Variants in AGBL4 observed in about 807,000 individuals in gnomAD.
AGBL4 encodes the protein cytosolic carboxypeptidase 6.
A neutral mutation model predicts 66.4 loss-of-function variants in AGBL4; 58 were observed. The ratio of observed to expected loss-of-function variants is 0.87; its 90% confidence interval spans 0.71 to 1.09. AGBL4 has a LOEUF of 1.09. Among genes scored for constraint, AGBL4 ranks in the 50% least tolerant of loss-of-function variants. The pLI is 0.00. For synonymous variants in AGBL4, 234 were observed against 222.9 expected (o/e 1.05, Z -0.44); for missense variants, 579 against 631.0 (o/e 0.92, Z 0.88).
At chr1:48,703,563 A>G (rs760319816) in intron 6 of AGBL4, among the ~76,000 whole-genome samples, 57 of 152,212 alleles carry the variant, frequency 3.7e-4, no homozygotes, top group Non-Finnish European at 7.5e-4. Context: ...TTCAGATACA[A>G]AGCAAGTATC....
At chr1:49,711,212 C>T (rs548580277) in intron 2 of AGBL4, among the ~76,000 whole-genome samples, 1 of 152,084 alleles carries the variant, frequency 6.6e-6, no homozygotes, top group Middle Eastern at 3.4e-3. Context: ...TAAATGTACA[C>T]CAATTATATG....
intron 5 of AGBL4, among the ~76,000 whole-genome samples, chr1:48,964,915 AT>A (rs1658296234): frequency 6.6e-6 from 1 of 152,106 alleles, no homozygotes; most frequent in Non-Finnish European, 1.5e-5. Context: ...ATGAAAAAAA[AT>A]CAAACAGTTT....
rs35699154 is a variant in AGBL4 at position 49,352,366 on chromosome 1, C to CTTTTT, written c.283-106507_283-106503dup. Among the ~76,000 whole-genome samples the CTTTTT allele has an allele frequency of 1.4e-3, 116 of 83,130 alleles. 2 individuals are homozygous for CTTTTT. The highest frequency in any genetic ancestry group is 2.7e-3 in the South Asian group (5 of 1,850). The allele number at this position is 83,130 out of a possible 152,430, so 54.5% of individuals were successfully genotyped here. ...AATTATTTGCCCACATGAATTGAAG[C>CTTTTT]TTTTTTTTTTTTTTTTTTTTTTTGT... is the stretch of plus-strand genomic sequence containing the variant. On this transcript the variant is annotated intron_variant, in intron 3 of 13. Coordinates refer to ENST00000371839, the MANE Select transcript of AGBL4 (RefSeq NM_032785.4).
intron 6 of AGBL4, among the ~76,000 whole-genome samples, chr1:48,691,165 A>G (rs1646624656): frequency 6.7e-6 from 1 of 149,708 alleles, no homozygotes; most frequent in African/African-American, 2.5e-5. Context: ...CTCAAAAAAA[A>G]AAAAAAAAAA....
chr1:49,625,826 G>C (rs1032863306), intron 3 of AGBL4, among the ~76,000 whole-genome samples: 1 of 152,110 alleles, frequency 6.6e-6, no homozygotes, highest in Non-Finnish European at 1.5e-5. Flanking sequence ...TGCTTGGCAG[G>C]GGTAATATAC....
intron 3 of AGBL4, among the ~76,000 whole-genome samples, chr1:49,499,472 G>A (rs957291687): frequency 1.4e-4 from 21 of 151,966 alleles, no homozygotes; most frequent in African/African-American, 4.8e-4. Context: ...CACCCAAGAA[G>A]TGTACGTGGC....
intron 4 of AGBL4, among the ~76,000 whole-genome samples, chr1:49,145,151 A>C (rs1369118318): frequency 6.6e-6 from 1 of 152,164 alleles, no homozygotes; most frequent in East Asian, 1.9e-4. Context: ...AAAGTAAGGG[A>C]GGAAAGGATA....
intron 1 of AGBL4, among the ~76,000 whole-genome samples, chr1:49,943,620 A>G (rs1296483385): frequency 6.6e-6 from 1 of 151,998 alleles, no homozygotes; most frequent in Non-Finnish European, 1.5e-5. Flanking sequence ...ACAGTGGGAA[A>G]AGCCCTGAGA....
intron 3 of AGBL4, among the ~76,000 whole-genome samples, chr1:49,456,524 T>C (rs749835828): frequency 4.0e-5 from 6 of 151,720 alleles, no homozygotes; most frequent in Non-Finnish European, 8.9e-5. Context: ...ACATTATAAG[T>C]AGTTTCCATC....
intron 3 of AGBL4, among the ~76,000 whole-genome samples, chr1:49,414,671 C>G (rs1645390082): frequency 6.6e-6 from 1 of 152,060 alleles, no homozygotes; most frequent in Non-Finnish European, 1.5e-5. Flanking sequence ...CTTTAAGAAG[C>G]CATGAAGAAT....
chr1:49,274,729 T>TA (rs1644133666), intron 3 of AGBL4, among the ~76,000 whole-genome samples: 1 of 152,110 alleles, frequency 6.6e-6, no homozygotes, highest in Non-Finnish European at 1.5e-5. Context: ...TTGGAGTAGG[T>TA]AAAAAATTCC....
intron 1 of AGBL4, among the ~76,000 whole-genome samples, chr1:49,998,919 G>A (rs1483742532): frequency 1.3e-5 from 2 of 151,960 alleles, no homozygotes; most frequent in Admixed American, 1.3e-4. Flanking sequence ...AAATCGCCAT[G>A]GAAGGGACAC....
In AGBL4 at chr1:49,625,580, C is replaced by A. The variant is rs117422480; in HGVS notation, c.282+71733G>T. ...CTGGGGAGGCTCCCATAGGAACTTGCTGAAATTTTCTGAACATATTCAGGC... is the reference window on the plus strand; with the variant it reads ...CTGGGGAGGCTCCCATAGGAACTTGATGAAATTTTCTGAACATATTCAGGC... On this transcript the variant is annotated intron_variant, in intron 3 of 13. Coordinates refer to ENST00000371839, the MANE Select transcript of AGBL4 (RefSeq NM_032785.4). Among the ~76,000 whole-genome samples, 213 of 152,266 alleles carry A rather than the reference C, an allele frequency of 1.4e-3. 7 individuals are homozygous for A. The East Asian group carries it at 0.036, about 25-fold the overall frequency.
chr1:49,486,290 T>C (rs1288581899), intron 3 of AGBL4, among the ~76,000 whole-genome samples: 1 of 152,032 alleles, frequency 6.6e-6, no homozygotes, highest in Non-Finnish European at 1.5e-5. Context: ...AAAGATGTCA[T>C]CATATGTATT....
intron 3 of AGBL4, among the ~76,000 whole-genome samples, chr1:49,509,348 A>T (rs920718883): frequency 6.6e-6 from 1 of 151,946 alleles, no homozygotes; most frequent in Admixed American, 6.6e-5. Flanking sequence ...GCCTGTATTG[A>T]GTATTTACAT....
intron 2 of AGBL4, among the ~76,000 whole-genome samples, chr1:49,817,467 T>C (rs1193777690): frequency 6.6e-6 from 1 of 152,178 alleles, no homozygotes; most frequent in Non-Finnish European, 1.5e-5. Flanking sequence ...GTCATCTTCT[T>C]TAAGATTTTA....
At chr1:49,603,543 T>G (rs930318102) in intron 3 of AGBL4, among the ~76,000 whole-genome samples, 2 of 140,306 alleles carry the variant, frequency 1.4e-5, no homozygotes, top group African/African-American at 5.0e-5. Flanking sequence ...AATAAATAAA[T>G]AAATAAATAA....
At chr1:48,772,786 C>T (rs1644901524) in intron 6 of AGBL4, among the ~76,000 whole-genome samples, 1 of 152,262 alleles carries the variant, frequency 6.6e-6, no homozygotes, top group African/African-American at 2.4e-5. Context: ...CTGATGCTGA[C>T]CTGAATGCAG....
At chr1:49,347,146 T>G (rs188525645) in intron 3 of AGBL4, among the ~76,000 whole-genome samples, 44 of 152,304 alleles carry the variant, frequency 2.9e-4, no homozygotes, top group African/African-American at 9.4e-4. Flanking sequence ...CTTTGTTATC[T>G]TCTATATAAA....
Sources: gnomAD v4.1 joint callset for allele counts (sites outside exome capture counted in the v4.1 genomes callset) on GRCh38, gnomAD v4.1.1 for gene constraint, MANE v1.5 for transcripts, NCBI Gene and HGNC (gene_info 2026-07-23, HGNC 2026-07-21) for gene names.